The following CREBBP variants were observed in gnomAD, a reference collection of about 807,000 sequenced individuals.
The protein encoded by CREBBP is CREB binding lysine acetyltransferase, also known as CREB-binding protein.
A neutral mutation model predicts 265.0 loss-of-function variants in CREBBP; 19 were observed. That is an observed-to-expected ratio of 0.07 (90% confidence interval 0.05 to 0.11). The LOEUF (loss-of-function observed/expected upper bound fraction) is 0.11, where lower values mean the gene tolerates loss of function less well. Among genes scored for constraint, CREBBP ranks in the 10% least tolerant of loss-of-function variants. The pLI, the probability that CREBBP is intolerant of heterozygous loss-of-function variation, is 1.00. For missense variants in CREBBP, 2,525 were observed against 3,219.0 expected (o/e 0.78, Z 5.22); for synonymous variants, 1,457 against 1,223.7 (o/e 1.19, Z -3.98).
chr16:3,830,352 A>C (rs946473483), intron 2 of CREBBP, among the ~76,000 whole-genome samples: 4 of 152,154 alleles, frequency 2.6e-5, no homozygotes, highest in African/African-American at 9.7e-5. Flanking sequence ...CAGGGAGCCC[A>C]GACTGCGCCA....
At chr16:3,849,435 GTGTGTGTGTGTGTGTGTGT>G (rs1567360339) in intron 2 of CREBBP, among the ~76,000 whole-genome samples, 484 of 15,680 alleles carry the variant, frequency 0.031, 19 homozygotes, top group Non-Finnish European at 0.067. Context: ...GTGTGTGTGT[GTGTGTGTGTGTGTGTGTGT>G]GTGTGTGTGT....
chr16:3,844,147 CAAAAAAAAA>C (rs545907683), intron 2 of CREBBP, among the ~76,000 whole-genome samples: 2 of 19,714 alleles, frequency 1.0e-4, no homozygotes, highest in African/African-American at 3.9e-4. Flanking sequence ...GACTCCGTCT[CAAAAAAAAA>C]AAAAAAAAAA....
At chr16:3,811,462 G>C (rs1156544734) in intron 2 of CREBBP, among the ~76,000 whole-genome samples, 1 of 152,100 alleles carries the variant, frequency 6.6e-6, no homozygotes, top group African/African-American at 2.4e-5. Flanking sequence ...TTAATGAATG[G>C]TACATATATT....
At chr16:3,789,041 G>T (rs952934709) in intron 5 of CREBBP, among the ~76,000 whole-genome samples, 1 of 152,190 alleles carries the variant, frequency 6.6e-6, no homozygotes, top group East Asian at 1.9e-4. Context: ...TCAGATTAGC[G>T]CCACAGGTGA....
At chr16:3,831,701 G>T (rs1400598851) in intron 2 of CREBBP, among the ~76,000 whole-genome samples, 1 of 152,082 alleles carries the variant, frequency 6.6e-6, no homozygotes, top group Non-Finnish European at 1.5e-5. Context: ...TCCAAATTAA[G>T]AAAAGAGTAC....
At chr16:3,785,127 C>A (rs981791631) in intron 5 of CREBBP, among the ~76,000 whole-genome samples, 1 of 152,202 alleles carries the variant, frequency 6.6e-6, no homozygotes, top group Non-Finnish European at 1.5e-5. Flanking sequence ...CAGGCATTCA[C>A]TGCAGGGTGA....
chr16:3,760,565 G>C (rs550002258), intron 16 of CREBBP, among the ~76,000 whole-genome samples: 40 of 151,500 alleles, frequency 2.6e-4, no homozygotes, highest in Admixed American at 6.6e-4. Flanking sequence ...ACCACGCCCA[G>C]CTGATTTTTG....
chr16:3,764,434 C>G (rs949946923), intron 16 of CREBBP, among the ~76,000 whole-genome samples: 4 of 151,222 alleles, frequency 2.6e-5, no homozygotes, highest in African/African-American at 9.7e-5. Context: ...ACCACCACAC[C>G]TGGCTAATTT....
At position 3,726,981 on chromosome 16, in the gene CREBBP, TAGA is replaced by T; in HGVS notation, c.*734_*736del. On this transcript the variant is annotated 3_prime_UTR_variant, in exon 31 of 31. Transcript: ENST00000262367. ...GCTTTTCCTCATTTCAAGTTTCACA[TAGA>T]AGAAAGAAAAGAAGGCTTCTTCTCT... 4.3e-6 allele frequency: 1 copy of T among 233,692 alleles called. No individual in the cohort carries two copies. The highest frequency in any genetic ancestry group is 6.0e-5 in the East Asian group (1 of 16,560). 14.5% of individuals were successfully genotyped at this position (233,692 alleles called of 1,614,324 possible).
At chr16:3,744,601 C>T (rs1047524197) in intron 23 of CREBBP, among the ~76,000 whole-genome samples, 12 of 152,172 alleles carry the variant, frequency 7.9e-5, no homozygotes, top group African/African-American at 2.9e-4. Context: ...TCAGCAGCCC[C>T]GTGGCTGAGA....
chr16:3,851,443 A>G (rs776848874), intron 1 of CREBBP, among the ~76,000 whole-genome samples: 2 of 152,166 alleles, frequency 1.3e-5, no homozygotes, highest in Admixed American at 1.3e-4. Context: ...TATATTTATC[A>G]TATTCTAAAA....
chr16:3,747,700 C>T (rs910706747), intron 21 of CREBBP, among the ~76,000 whole-genome samples: 4 of 152,168 alleles, frequency 2.6e-5, no homozygotes, highest in Non-Finnish European at 4.4e-5. Flanking sequence ...CGGTGGCTCA[C>T]GCCTGTAATC....
intron 28 of CREBBP, among the ~76,000 whole-genome samples, chr16:3,732,596 T>C (rs2051946161): frequency 6.6e-6 from 1 of 152,172 alleles, no homozygotes; most frequent in African/African-American, 2.4e-5. Flanking sequence ...AGTTTTGCTC[T>C]TGTTGCCAGG....
intron 9 of CREBBP, among the ~76,000 whole-genome samples, chr16:3,778,450 A>C (rs543319865): frequency 6.6e-6 from 1 of 152,300 alleles, no homozygotes; most frequent in South Asian, 2.1e-4. Flanking sequence ...TTACAACACC[A>C]CCTACTATGA....
intron 26 of CREBBP, among the ~76,000 whole-genome samples, chr16:3,737,413 G>C (rs1005026994): frequency 6.6e-6 from 1 of 151,802 alleles, no homozygotes; most frequent in African/African-American, 2.4e-5. Context: ...GGCAGGGAAG[G>C]TTTAACAGCA....
intron 1 of CREBBP, among the ~76,000 whole-genome samples, chr16:3,856,987 A>G (rs1432532489): frequency 6.6e-6 from 1 of 152,190 alleles, no homozygotes; most frequent in Non-Finnish European, 1.5e-5. Flanking sequence ...CTGGAAGCTG[A>G]GCACAGGAGT....
At chr16:3,815,129 C>A (rs987534734) in intron 2 of CREBBP, among the ~76,000 whole-genome samples, 1 of 152,170 alleles carries the variant, frequency 6.6e-6, no homozygotes, top group Non-Finnish European at 1.5e-5. Flanking sequence ...CACTGTGGTC[C>A]CCCACCCTAG....
At chr16:3,751,645 C>T (rs937558073) in intron 20 of CREBBP, 81 bp downstream of exon 20, 4 of 1,385,358 alleles carry the variant, frequency 2.9e-6, no homozygotes, top group Non-Finnish European at 4.1e-6. Context: ...CCGGTACCTT[C>T]CTTATAGTCA....
intron 16 of CREBBP, among the ~76,000 whole-genome samples, chr16:3,762,071 C>A (rs1053488233): frequency 6.6e-6 from 1 of 152,176 alleles, no homozygotes; most frequent in East Asian, 1.9e-4. Flanking sequence ...TGTTAGTCTC[C>A]AAAAATACAG....
Sources: gnomAD v4.1 joint callset for allele counts (sites outside exome capture counted in the v4.1 genomes callset) on GRCh38, gnomAD v4.1.1 for gene constraint, MANE v1.5 for transcripts, NCBI Gene and HGNC (gene_info 2026-07-23, HGNC 2026-07-21) for gene names.